HMGN5: variants seen among roughly 807,000 people sequenced by gnomAD.
The protein encoded by HMGN5 is high mobility group nucleosome binding domain 5.
Under a neutral mutation model 9.5 loss-of-function variants are expected in HMGN5, and 4 were observed. The ratio of observed to expected loss-of-function variants is 0.42; its 90% CI spans 0.21 to 0.96. The LOEUF (loss-of-function observed/expected upper bound fraction) is 0.96. Among genes scored for constraint, HMGN5 ranks in the 40% least tolerant of loss-of-function variants. HMGN5 has a pLI of 0.30. For missense variants in HMGN5, 192 were observed against 187.5 expected (o/e 1.02, Z -0.14); for synonymous variants, 55 against 57.1 (o/e 0.96, Z 0.16).
At chrX:81,150,633 A>C (rs367647278) in intron 1 of HMGN5, among the ~76,000 whole-genome samples, 1 of 112,369 alleles carries the variant, frequency 8.9e-6, no homozygotes, top group East Asian at 2.8e-4. Context: ...ATATAAAAGC[A>C]GTAATAAATT....
chrX:81,159,825 CT>C (rs771282918), intron 1 of HMGN5, among the ~76,000 whole-genome samples: 1 of 110,457 alleles, frequency 9.1e-6, no homozygotes, highest in East Asian at 2.8e-4. Flanking sequence ...TTTTTTAATA[CT>C]AAAAAATATA....
rs145121577 is a variant in HMGN5, at chrX:81,184,816, C to T, written c.-124+16921G>A. 8.5e-4 allele frequency among the ~76,000 whole-genome samples: 95 copies of T among 111,246 alleles called. No individual in the cohort carries two copies. In the East Asian group the frequency reaches 0.014, roughly 17 times the overall value. The stretch of plus-strand genomic sequence containing the variant: ...TTGATTTTTCTATGTGGCAAGAGAG[C>T]GGGACCTAGTTCCATTCTTTTGAGA... On this transcript the variant is annotated intron_variant, in intron 1 of 6. Transcript: ENST00000358130.
At chrX:81,167,198 G>A (rs184128209) in intron 1 of HMGN5, among the ~76,000 whole-genome samples, 16 of 110,964 alleles carry the variant, frequency 1.4e-4, no homozygotes, top group African/African-American at 5.2e-4. Flanking sequence ...ACTCTGGGAA[G>A]GCAAGCCTGT....
Position 81,119,785 on chromosome X carries a change from C to T in HMGN5, c.45+3G>A. 1 of 1,204,371 alleles carries T rather than the reference C, an allele frequency of 8.3e-7. No individual in the cohort carries two copies. The highest frequency in any genetic ancestry group is 1.1e-6 in the Non-Finnish European group (1 of 889,093). ...AATAGATGCTAAGACTAAAGAAACT[C>T]ACCTCCTGCCTCATATCACCTTGAC... is the stretch of plus-strand genomic sequence containing the variant. On this transcript the variant is annotated splice_donor_region_variant and intron_variant, in intron 3 of 6. Transcript: ENST00000358130.
intron 1 of HMGN5, among the ~76,000 whole-genome samples, chrX:81,166,230 C>A (rs865898971): frequency 9.0e-6 from 1 of 111,284 alleles, no homozygotes; most frequent in Non-Finnish European, 1.9e-5. Context: ...TATGAGAAAT[C>A]ATTTTAAAGG....
intron 1 of HMGN5, among the ~76,000 whole-genome samples, chrX:81,182,167 C>T (rs1042710093): frequency 4.5e-5 from 5 of 111,608 alleles, no homozygotes; most frequent in African/African-American, 1.6e-4. Context: ...TATATCATTG[C>T]GGTTTTGATA....
intron 1 of HMGN5, among the ~76,000 whole-genome samples, chrX:81,188,408 C>T (rs12847045): frequency 2.8e-5 from 3 of 108,974 alleles, no homozygotes; most frequent in African/African-American, 1.0e-4. Flanking sequence ...GGATTACAAG[C>T]GTGAGCCATT....
intron 1 of HMGN5, among the ~76,000 whole-genome samples, chrX:81,134,648 T>A (rs1303485846): frequency 1.8e-5 from 2 of 111,301 alleles, no homozygotes; most frequent in Non-Finnish European, 3.8e-5. Flanking sequence ...GAAATTAAAT[T>A]AAAGGGACAC....
chrX:81,161,887 G>T (rs1421551633), intron 1 of HMGN5, among the ~76,000 whole-genome samples: 1 of 109,390 alleles, frequency 9.1e-6, no homozygotes, highest in Non-Finnish European at 1.9e-5. Context: ...CGAGCTAAAG[G>T]TTTGACTCTT....
At chrX:81,128,585 C>T (rs952910924) in intron 1 of HMGN5, among the ~76,000 whole-genome samples, 2 of 111,255 alleles carry the variant, frequency 1.8e-5, no homozygotes, top group Admixed American at 1.9e-4. Flanking sequence ...TAGTTTACTT[C>T]TAAATTTATT....
At chrX:81,183,283 A>T (rs973464759) in intron 1 of HMGN5, among the ~76,000 whole-genome samples, 1 of 112,147 alleles carries the variant, frequency 8.9e-6, no homozygotes, top group African/African-American at 3.2e-5. Context: ...TAGCCAAGAC[A>T]ATGAAAAAAA....
At chrX:81,153,343 A>T (rs978236050) in intron 1 of HMGN5, among the ~76,000 whole-genome samples, 1 of 104,280 alleles carries the variant, frequency 9.6e-6, no homozygotes, top group Middle Eastern at 4.9e-3. Flanking sequence ...ACTTAAAGCC[A>T]GAAGTTCAAG....
chrX:81,155,103 A>ATG (rs2075379391), intron 1 of HMGN5, among the ~76,000 whole-genome samples: 1 of 90,785 alleles, frequency 1.1e-5, no homozygotes, highest in Admixed American at 1.3e-4. Flanking sequence ...ATATATATAT[A>ATG]CACACACACA....
intron 1 of HMGN5, among the ~76,000 whole-genome samples, chrX:81,199,015 G>T (rs1486495815): frequency 8.9e-6 from 1 of 111,935 alleles, no homozygotes; most frequent in East Asian, 2.8e-4. Context: ...AAGCTGATAA[G>T]CAACTTCAGC....
intron 1 of HMGN5, among the ~76,000 whole-genome samples, chrX:81,142,265 G>A (rs895590204): frequency 9.0e-6 from 1 of 111,498 alleles, no homozygotes; most frequent in Admixed American, 9.5e-5. Context: ...TTAAGGAGGA[G>A]GCAGAGAAAG....
chrX:81,121,756 G>A, intron 1 of HMGN5, 84 bp from the exon 2 acceptor site: 1 of 342,881 alleles, frequency 2.9e-6, no homozygotes, highest in Non-Finnish European at 5.1e-6. Context: ...TAACCGGAGT[G>A]GGAGCCACAT....
chrX:81,164,493 C>T (rs2147629535), intron 1 of HMGN5, among the ~76,000 whole-genome samples: 1 of 111,540 alleles, frequency 9.0e-6, no homozygotes, highest in African/African-American at 3.3e-5. Flanking sequence ...GTCCACTTAT[C>T]TTAACTTGGG....
At chrX:81,190,547 T>C (rs941867157) in intron 1 of HMGN5, among the ~76,000 whole-genome samples, 2 of 111,507 alleles carry the variant, frequency 1.8e-5, no homozygotes, top group African/African-American at 3.3e-5. Context: ...TAAATTTTCA[T>C]ATTCTCTGTA....
intron 1 of HMGN5, among the ~76,000 whole-genome samples, chrX:81,168,806 G>A (rs979397722): frequency 1.8e-5 from 2 of 111,810 alleles, no homozygotes; most frequent in African/African-American, 6.5e-5. Context: ...ATTAATTGGG[G>A]AGAAGACTTT....
Sources: allele counts gnomAD v4.1 joint callset (sites outside exome capture counted in the v4.1 genomes callset), GRCh38; gene constraint gnomAD v4.1.1; transcripts MANE v1.5; gene names NCBI Gene and HGNC (gene_info 2026-07-23, HGNC 2026-07-21).